ZNF516: variants seen among roughly 807,000 people sequenced by gnomAD.
ZNF516 encodes the protein zinc finger protein 516.
Under a neutral mutation model 79.7 loss-of-function variants are expected in ZNF516, and 19 were observed. The observed-to-expected ratio is 0.24, with a 90% CI of 0.17 to 0.35. ZNF516 has a LOEUF of 0.35. Ranked by LOEUF, ZNF516 falls within the 10% of genes least tolerant of loss-of-function variation. The pLI is 1.00. For synonymous variants in ZNF516, 877 were observed against 739.5 expected (o/e 1.19, Z -3.02); for missense variants, 1,678 against 1,679.5 (o/e 1.00, Z 0.02).
chr18:76,490,252 C>A, intron 1 of ZNF516: 9 of 963,428 alleles, frequency 9.3e-6, no homozygotes, highest in Non-Finnish European at 1.1e-5. Context: ...GACACCACGG[C>A]AGGCTCCTAC....
intron 2 of ZNF516, among the ~76,000 whole-genome samples, chr18:76,462,627 T>C (rs1913193641): frequency 6.6e-6 from 1 of 152,196 alleles, no homozygotes; most frequent in Non-Finnish European, 1.5e-5. Flanking sequence ...TGTAATAAGC[T>C]GTGCAAACTT....
At chr18:76,401,535 TAA>T (rs781298274) in intron 3 of ZNF516, among the ~76,000 whole-genome samples, 124 of 152,092 alleles carry the variant, frequency 8.2e-4, no homozygotes, top group Non-Finnish European at 1.4e-3. Flanking sequence ...AGGCCAAGCC[TAA>T]GTCCGTCCCT....
At chr18:76,378,639 C>G (rs532261513) in intron 4 of ZNF516, among the ~76,000 whole-genome samples, 2 of 152,212 alleles carry the variant, frequency 1.3e-5, no homozygotes, top group Non-Finnish European at 2.9e-5. Context: ...GCAGGCATTC[C>G]CCGGCAGGGC....
chr18:76,470,049 T>A (rs1647386828), intron 1 of ZNF516, among the ~76,000 whole-genome samples: 2 of 152,200 alleles, frequency 1.3e-5, no homozygotes, highest in Non-Finnish European at 1.5e-5. Context: ...AATGGTATTA[T>A]CCCAAATAAG....
In ZNF516 at chr18:76,459,149, G is replaced by A. The variant is rs145580708; in HGVS notation, c.-158+3879C>T. On this transcript the variant is annotated intron_variant, in intron 2 of 6. Coordinates refer to ENST00000443185, the MANE Select transcript of ZNF516 (RefSeq NM_014643.4). The surrounding 1 kb of genome is among the most constrained non-coding windows in gnomAD (Gnocchi z 5.0). Reference sequence around the variant, plus strand: ...CCCATGTGCCTGGATTACCAGCTTCGCACAGAGCCAGACGCTGCAGCAGTA... The same window carrying A: ...CCCATGTGCCTGGATTACCAGCTTCACACAGAGCCAGACGCTGCAGCAGTA... 3.5e-3 allele frequency among the ~76,000 whole-genome samples: 535 copies of A among 152,298 alleles called. 6 individuals carry two copies. Among genetic ancestry groups the A allele is most frequent in the African/African-American group, 0.012 (503 of 41,562 alleles).
At chr18:76,362,945 A>G (rs1319421864) in intron 6 of ZNF516, among the ~76,000 whole-genome samples, 6 of 152,242 alleles carry the variant, frequency 3.9e-5, no homozygotes, top group Non-Finnish European at 1.5e-5. Flanking sequence ...ACTGTATAGT[A>G]CAAAGCAGAT....
chr18:76,412,161 C>T (rs1412977555), intron 3 of ZNF516, among the ~76,000 whole-genome samples: 1 of 152,266 alleles, frequency 6.6e-6, no homozygotes, highest in South Asian at 2.1e-4. Flanking sequence ...TCAGAGGAAG[C>T]GGCACTAATG....
chr18:76,403,480 C>T (rs1568263370), intron 3 of ZNF516, among the ~76,000 whole-genome samples: 3 of 152,184 alleles, frequency 2.0e-5, no homozygotes, highest in South Asian at 2.1e-4. Context: ...CACACGCATT[C>T]GCACAACTCA....
At chr18:76,438,230 C>G (rs2075769826) in intron 3 of ZNF516, among the ~76,000 whole-genome samples, 1 of 152,216 alleles carries the variant, frequency 6.6e-6, no homozygotes, top group South Asian at 2.1e-4. Context: ...TCTGTTATTC[C>G]TAAGTCGCCT....
intron 1 of ZNF516, among the ~76,000 whole-genome samples, chr18:76,480,522 C>CATATAT (rs1252808028): frequency 9.9e-4 from 96 of 97,440 alleles, no homozygotes; most frequent in African/African-American, 4.0e-3. Flanking sequence ...CACACACACA[C>CATATAT]ACATATATTT....
chr18:76,378,532 T>C (rs2074825686), intron 4 of ZNF516, among the ~76,000 whole-genome samples: 2 of 152,322 alleles, frequency 1.3e-5, no homozygotes, highest in South Asian at 4.1e-4. Flanking sequence ...TCCTGCGGAA[T>C]GTCGGTGTGG....
chr18:76,391,811 T>C (rs1029562040), intron 3 of ZNF516, among the ~76,000 whole-genome samples: 3 of 152,320 alleles, frequency 2.0e-5, no homozygotes, highest in Middle Eastern at 3.4e-3. Context: ...CCCAGCCTCA[T>C]TGTGTGCTTT....
chr18:76,466,902 T>G (rs929120598), intron 1 of ZNF516, among the ~76,000 whole-genome samples: 6 of 152,022 alleles, frequency 3.9e-5, no homozygotes, highest in Non-Finnish European at 8.8e-5. Flanking sequence ...GCGGTGAACG[T>G]GGGGAGCAAA....
chr18:76,484,897 CAGATTCTGCTTTTCTGTCACCAGG>C (rs1478743042), intron 1 of ZNF516, among the ~76,000 whole-genome samples: 1 of 152,196 alleles, frequency 6.6e-6, no homozygotes, highest in Non-Finnish European at 1.5e-5. Flanking sequence ...AAACCATTAA[CAGATTCTGCTTTTCTGTCACCAGG>C]GTAATTTACC....
intron 1 of ZNF516, among the ~76,000 whole-genome samples, chr18:76,471,060 ACTTT>A (rs1248743951): frequency 6.6e-6 from 1 of 152,200 alleles, no homozygotes; most frequent in Non-Finnish European, 1.5e-5. Context: ...CCTTTCAGAT[ACTTT>A]CTTTTACCTA....
chr18:76,406,102 C>T (rs3892540), intron 3 of ZNF516, among the ~76,000 whole-genome samples: 41,686 of 152,100 alleles, frequency 0.27, 7,047 homozygotes, highest in East Asian at 0.47. Context: ...AGATGGCACA[C>T]GGGACACCCT....
chr18:76,429,609 C>T lies in ZNF516; in HGVS notation c.1810+11636G>A, dbSNP rs80075653. Among the ~76,000 whole-genome samples, 858 of 152,310 alleles carry T rather than the reference C, an allele frequency of 5.6e-3. 15 individuals carry two copies. Among genetic ancestry groups the T allele is most frequent in the African/African-American group, 0.018 (764 of 41,560 alleles). On this transcript the variant is annotated intron_variant, in intron 3 of 6. Transcript: ENST00000443185. ...CCTGTGACCAGGGAAAGGTCAGCTTCTTGTCCCCATTCCAGACACGCCCTG... is the reference window on the plus strand; with the variant it reads ...CCTGTGACCAGGGAAAGGTCAGCTTTTTGTCCCCATTCCAGACACGCCCTG...
At chr18:76,388,428 G>A (rs1386470747) in intron 3 of ZNF516, 2 of 152,288 alleles carry the variant, frequency 1.3e-5, no homozygotes, top group African/African-American at 4.8e-5. Flanking sequence ...CCTCCTGTAA[G>A]GAGTTTGAGC....
chr18:76,421,448 G>A (rs1249638355), intron 3 of ZNF516, among the ~76,000 whole-genome samples: 2 of 152,238 alleles, frequency 1.3e-5, no homozygotes, highest in African/African-American at 4.8e-5. Flanking sequence ...CAGTCCGTGA[G>A]GCCAGACTTT....
Sources: allele counts gnomAD v4.1 joint callset (sites outside exome capture counted in the v4.1 genomes callset), GRCh38; gene constraint gnomAD v4.1.1; non-coding constraint Gnocchi (gnomAD v3.1); transcripts MANE v1.5; gene names NCBI Gene and HGNC (gene_info 2026-07-23, HGNC 2026-07-21).